Variants in IMMT observed in about 807,000 individuals in gnomAD.
IMMT encodes MICOS complex subunit MIC60.
A neutral mutation model predicts 92.7 loss-of-function variants in IMMT; 40 were observed. The observed-to-expected ratio is 0.43, with a 90% CI of 0.34 to 0.56. IMMT has a LOEUF of 0.56. Ranked by LOEUF, IMMT falls within the 20% of genes least tolerant of loss-of-function variation. The pLI, the probability that IMMT is intolerant of heterozygous loss-of-function variation, is 0.03. For missense variants in IMMT, 831 were observed against 912.1 expected (o/e 0.91, Z 1.14); for synonymous variants, 322 against 336.1 (o/e 0.96, Z 0.46).
intron 11 of IMMT, among the ~76,000 whole-genome samples, chr2:86,152,187 TC>T (rs1373644545): frequency 2.6e-5 from 4 of 152,108 alleles, no homozygotes; most frequent in African/African-American, 9.7e-5. Context: ...ACACCTGTAA[TC>T]CCAGCACTTT....
Position 86,144,030 on chromosome 2 carries a change from T to G in IMMT, c.*238A>C. ...ATTTTGATTGGCCTCACAAGCCTCATCAGTAAAACCTGAAAAAACAGAAAA... is the reference window on the plus strand; with the variant it reads ...ATTTTGATTGGCCTCACAAGCCTCAGCAGTAAAACCTGAAAAAACAGAAAA... On this transcript the variant is annotated 3_prime_UTR_variant, in exon 15 of 15. Transcript: ENST00000410111. 1 of 575,318 alleles carries G rather than the reference T, an allele frequency of 1.7e-6. No individual in the cohort carries two copies. Among genetic ancestry groups the G allele is most frequent in the South Asian group, 2.1e-5 (1 of 48,160 alleles). 35.6% of individuals were successfully genotyped at this position (575,318 alleles called of 1,614,324 possible).
intron 1 of IMMT, among the ~76,000 whole-genome samples, chr2:86,191,529 G>A (rs138184021): frequency 7.9e-5 from 12 of 152,104 alleles, no homozygotes; most frequent in Admixed American, 2.0e-4. Context: ...AATATTGGCT[G>A]TCCTAGGTCT....
intron 7 of IMMT, among the ~76,000 whole-genome samples, chr2:86,162,834 C>T (rs551096756): frequency 6.6e-6 from 1 of 152,176 alleles, no homozygotes; most frequent in African/African-American, 2.4e-5. Context: ...CAGAGAAAGA[C>T]TACTTCTCAA....
At chr2:86,182,876 A>AAC (rs1558838371) in intron 1 of IMMT, among the ~76,000 whole-genome samples, 1 of 150,624 alleles carries the variant, frequency 6.6e-6, no homozygotes. Context: ...AAAAAAAAAC[A>AAC]AAAACAAAAA....
rs893806810 is a variant in IMMT, at chr2:86,144,511, T to G, written c.2034A>C (p.Pro678=). 1 of 1,614,010 alleles carries G rather than the reference T, an allele frequency of 6.2e-7. No individual in the cohort carries two copies. Among genetic ancestry groups the G allele is most frequent in the Non-Finnish European group, 8.5e-7 (1 of 1,179,886 alleles). ...TGTTTATATCCTCAGGGCAGAGCTC[T>G]GGGGGCGGCTTCAGTTGCTGAGGTG... is the stretch of plus-strand genomic sequence containing the variant. ...LFPPQQLKPP[P]ELCPEDINTF... Residue 678 remains proline, a synonymous_variant, in exon 15 of 15, where the codon CCA becomes CCC. Coordinates refer to ENST00000410111, the MANE Select transcript of IMMT (RefSeq NM_006839.3).
intron 14 of IMMT, 106 bp from the exon 15 acceptor site, chr2:86,144,987 T>C: frequency 7.5e-7 from 1 of 1,333,228 alleles, no homozygotes; most frequent in Non-Finnish European, 1.0e-6. Flanking sequence ...ATGTGCAAGA[T>C]GAGGCCAGAG....
chr2:86,190,439 A>G (rs368239459), intron 1 of IMMT, among the ~76,000 whole-genome samples: 1 of 152,204 alleles, frequency 6.6e-6, no homozygotes, highest in East Asian at 1.9e-4. Flanking sequence ...ACTACTCCAT[A>G]TGTAAATGAC....
intron 12 of IMMT, among the ~76,000 whole-genome samples, chr2:86,150,313 C>A (rs982342654): frequency 6.6e-6 from 1 of 152,150 alleles, no homozygotes; most frequent in Non-Finnish European, 1.5e-5. Flanking sequence ...CGGGACTCAA[C>A]AAGAACACTT....
At chr2:86,153,746 C>T (rs1472088588) in intron 10 of IMMT, among the ~76,000 whole-genome samples, 172 bp from the exon 11 acceptor site, 1 of 152,136 alleles carries the variant, frequency 6.6e-6, no homozygotes, top group African/African-American at 2.4e-5. Flanking sequence ...AAAATTTAAA[C>T]TGTAAAACAA....
At position 86,178,033 on chromosome 2, in the gene IMMT, C is replaced by T. The variant is rs1207893876; in HGVS notation, c.309+1400G>A. ...ATTAGTTCAATTTAAAGGAAACTGG[C>T]GGCCAGGAGCGGTGGCTCAAGCCTG... On this transcript the variant is annotated intron_variant, in intron 3 of 14. Transcript: ENST00000410111. 3.3e-5 allele frequency among the ~76,000 whole-genome samples: 5 copies of T among 151,952 alleles called. 1 individual carries two copies. The highest frequency in any genetic ancestry group is 1.2e-4 in the African/African-American group (5 of 41,384).
chr2:86,177,921 T>C (rs1677544342), intron 3 of IMMT, among the ~76,000 whole-genome samples: 1 of 152,226 alleles, frequency 6.6e-6, no homozygotes, highest in Non-Finnish European at 1.5e-5. Context: ...TTTACCCTTG[T>C]GTGCAGCACA....
At chr2:86,155,719 A>G (rs1573890742) in intron 10 of IMMT, among the ~76,000 whole-genome samples, 1 of 152,338 alleles carries the variant, frequency 6.6e-6, no homozygotes, top group East Asian at 1.9e-4. Flanking sequence ...TAAAGAAATA[A>G]TGACAATAAG....
chr2:86,156,845 A>G (rs1297613545), intron 10 of IMMT, among the ~76,000 whole-genome samples: 2 of 152,150 alleles, frequency 1.3e-5, no homozygotes, highest in Non-Finnish European at 2.9e-5. Flanking sequence ...ACCAATGTCA[A>G]ATTTATGCCA....
At chr2:86,169,881 A>G (rs543729376) in intron 6 of IMMT, among the ~76,000 whole-genome samples, 1 of 151,534 alleles carries the variant, frequency 6.6e-6, no homozygotes, top group South Asian at 2.1e-4. Flanking sequence ...GTAAGAGCCC[A>G]TCTCTTAAAA....
intron 3 of IMMT, among the ~76,000 whole-genome samples, chr2:86,175,759 T>C (rs1041628915): frequency 3.2e-4 from 48 of 151,470 alleles, no homozygotes; most frequent in African/African-American, 1.1e-3. Flanking sequence ...TAACTGCTAT[T>C]GTAATTCAGA....
chr2:86,159,092 A>AT (rs764807615), intron 9 of IMMT, among the ~76,000 whole-genome samples: 6,682 of 145,942 alleles, frequency 0.046, 201 homozygotes, highest in Non-Finnish European at 0.059. Flanking sequence ...AAAAAAAAAA[A>AT]TTTTTTTTTT....
At position 86,190,921 on chromosome 2, in the gene IMMT, G is replaced by A. The variant is rs184786947; in HGVS notation, c.45+4417C>T. On this transcript the variant is annotated intron_variant, in intron 1 of 14. Transcript: ENST00000410111. ...GGAGAATTGCTAGAACCCAGGAGGC[G>A]GAGGTTGCAGTGAGCCGAGATTGCA... 1.5e-3 allele frequency among the ~76,000 whole-genome samples: 235 copies of A among 152,278 alleles called. 2 individuals carry two copies. The highest frequency in any genetic ancestry group is 5.4e-3 in the African/African-American group (223 of 41,554).
chr2:86,161,155 T>C (rs1180208639), intron 8 of IMMT, among the ~76,000 whole-genome samples: 1 of 151,730 alleles, frequency 6.6e-6, no homozygotes, highest in Non-Finnish European at 1.5e-5. Flanking sequence ...TCTGGCCTAA[T>C]TTTATATATA....
rs373430585 is a variant in IMMT at position 86,144,743 on chromosome 2, G to A, written c.1802C>T (p.Ala601Val). 19 of 1,613,734 alleles carry A rather than the reference G, an allele frequency of 1.2e-5. No homozygotes were observed. Among genetic ancestry groups the A allele is most frequent in the Non-Finnish European group, 1.4e-5 (17 of 1,179,888 alleles). Residue 601 changes from alanine to valine, a missense_variant, in exon 15 of 15, where the codon GCC becomes GTC. Ala to Val is a moderately conservative substitution (Grantham distance 64). Transcript: ENST00000410111. ...PLGSAVEAIK[A>V]NCSDNEFTQA... ...GGTGAATTCATTATCAGAACAGTTG[G>A]CTTTGATGGCCTCAACTGCACTACC...
Sources: allele counts gnomAD v4.1 joint callset (sites outside exome capture counted in the v4.1 genomes callset), GRCh38; gene constraint gnomAD v4.1.1; transcripts MANE v1.5; gene names NCBI Gene and HGNC (gene_info 2026-07-23, HGNC 2026-07-21).